FAM171A1: variants seen among roughly 807,000 people sequenced by gnomAD.
FAM171A1 encodes family with sequence similarity 171 member A1.
In FAM171A1, 23 loss-of-function variants were observed where a neutral mutation model predicts 74.9. The observed-to-expected ratio is 0.31, with a 90% CI of 0.22 to 0.44. The LOEUF is 0.44. Among genes scored for constraint, FAM171A1 ranks in the 20% least tolerant of loss-of-function variants. The pLI, the probability that FAM171A1 is intolerant of heterozygous loss-of-function variation, is 1.00. For missense variants in FAM171A1, 1,162 were observed against 1,159.2 expected, an observed-to-expected ratio of 1.00 and a Z score of -0.03; for synonymous variants, 527 against 505.7, an observed-to-expected ratio of 1.04 and a Z score of -0.57.
chr10:15,364,648 CG>C (rs1215324990), intron 1 of FAM171A1, among the ~76,000 whole-genome samples: 1 of 152,134 alleles, frequency 6.6e-6, no homozygotes, highest in African/African-American at 2.4e-5. Context: ...TTCTGGAGGT[CG>C]GAAGTCCAAA....
chr10:15,342,840 AG>A (rs564247512), intron 1 of FAM171A1, among the ~76,000 whole-genome samples: 42 of 152,368 alleles, frequency 2.8e-4, no homozygotes, highest in African/African-American at 8.9e-4. Context: ...CAACGCAGTC[AG>A]TGCCTACATG....
chr10:15,233,521 G>GT (rs1834236288), intron 5 of FAM171A1, among the ~76,000 whole-genome samples: 1 of 145,282 alleles, frequency 6.9e-6, no homozygotes, highest in Non-Finnish European at 1.5e-5. Flanking sequence ...GTGTATTCAG[G>GT]GTGTGTGTGT....
chr10:15,305,565 G>C (rs1325581315), intron 1 of FAM171A1, among the ~76,000 whole-genome samples: 1 of 147,962 alleles, frequency 6.8e-6, no homozygotes, highest in Non-Finnish European at 1.5e-5. Context: ...TACTCAGGGG[G>C]CTTAGGTGGG....
intron 4 of FAM171A1, among the ~76,000 whole-genome samples, chr10:15,254,119 C>T (rs923174158): frequency 6.6e-6 from 1 of 152,212 alleles, no homozygotes; most frequent in African/African-American, 2.4e-5. Flanking sequence ...AGAGCAAGTG[C>T]AGAGAAAGAA....
intron 1 of FAM171A1, among the ~76,000 whole-genome samples, chr10:15,322,031 T>C (rs897671118): frequency 1.3e-5 from 2 of 152,220 alleles, no homozygotes; most frequent in Non-Finnish European, 2.9e-5. Flanking sequence ...ATTCTAATGG[T>C]TCTAATTCCT....
chr10:15,300,405 A>T (rs1835213346), intron 1 of FAM171A1, among the ~76,000 whole-genome samples: 1 of 152,120 alleles, frequency 6.6e-6, no homozygotes, highest in Non-Finnish European at 1.5e-5. Context: ...TGTCCAGAAA[A>T]TATGGATACC....
intron 5 of FAM171A1, among the ~76,000 whole-genome samples, chr10:15,232,715 T>C (rs1380970171): frequency 6.6e-6 from 1 of 152,232 alleles, no homozygotes; most frequent in Admixed American, 6.5e-5. Context: ...ATCATTCTAT[T>C]CAGCCACATT....
chr10:15,307,296 C>A (rs1835308050), intron 1 of FAM171A1, among the ~76,000 whole-genome samples: 2 of 152,126 alleles, frequency 1.3e-5, no homozygotes, highest in African/African-American at 4.8e-5. Context: ...TTCTAACAGG[C>A]TGAGCTAACA....
rs1234659908 is a variant in FAM171A1, at chr10:15,212,921, A to G, written c.2667T>C (p.Ile889=). 6.2e-7 allele frequency: 1 copy of G among 1,613,852 alleles called. No individual in the cohort carries two copies. Among genetic ancestry groups the G allele is most frequent in the Admixed American group, 1.7e-5 (1 of 59,976 alleles). ...REERPLMAFN[I]K ...CAGGTGGGTCTGCGATAGCTCATTT[A>G]ATGTTAAACGCCATCAGGGGCCTCT... Residue 889 remains isoleucine (I), a synonymous_variant, in exon 8 of 8, where the codon ATT becomes ATC. Transcript: ENST00000378116.
At chr10:15,321,947 T>C (rs1835491816) in intron 1 of FAM171A1, among the ~76,000 whole-genome samples, 1 of 152,224 alleles carries the variant, frequency 6.6e-6, no homozygotes, top group Non-Finnish European at 1.5e-5. Flanking sequence ...AAATAGTAGA[T>C]ACTGTTGCTG....
At chr10:15,294,726 T>C (rs1464241291) in intron 1 of FAM171A1, among the ~76,000 whole-genome samples, 1 of 152,210 alleles carries the variant, frequency 6.6e-6, no homozygotes, top group East Asian at 1.9e-4. Flanking sequence ...TAGAACTAAA[T>C]GCGACAAGGC....
chr10:15,300,050 A>T (rs1835210111), intron 1 of FAM171A1, among the ~76,000 whole-genome samples: 1 of 152,198 alleles, frequency 6.6e-6, no homozygotes, highest in South Asian at 2.1e-4. Context: ...TAAGTGTGTG[A>T]AGCTCTCTGA....
At chr10:15,238,053 G>T (rs1834316643) in intron 5 of FAM171A1, among the ~76,000 whole-genome samples, 1 of 152,150 alleles carries the variant, frequency 6.6e-6, no homozygotes, top group Admixed American at 6.5e-5. Flanking sequence ...GATGCCCAAG[G>T]TTCTAAAATC....
At chr10:15,295,076 C>T (rs1835145049) in intron 1 of FAM171A1, among the ~76,000 whole-genome samples, 1 of 152,222 alleles carries the variant, frequency 6.6e-6, no homozygotes, top group East Asian at 1.9e-4. Context: ...CCACCATGCC[C>T]AGCTAACTTA....
chr10:15,239,688 C>G (rs562205218), intron 5 of FAM171A1, among the ~76,000 whole-genome samples: 2 of 152,314 alleles, frequency 1.3e-5, no homozygotes, highest in Non-Finnish European at 2.9e-5. Context: ...ACATATTCCG[C>G]TGATTCTTTA....
At chr10:15,320,411 G>A (rs963032099) in intron 1 of FAM171A1, among the ~76,000 whole-genome samples, 1 of 152,190 alleles carries the variant, frequency 6.6e-6, no homozygotes, top group Non-Finnish European at 1.5e-5. Flanking sequence ...TTGCTATTGT[G>A]AATAGTGCTG....
intron 1 of FAM171A1, among the ~76,000 whole-genome samples, chr10:15,327,062 G>C (rs960410894): frequency 6.6e-6 from 1 of 152,140 alleles, no homozygotes; most frequent in African/African-American, 2.4e-5. Flanking sequence ...AAATTAATGT[G>C]AGCTGTAAGT....
intron 5 of FAM171A1, among the ~76,000 whole-genome samples, chr10:15,229,792 TCACCATCATCACCATCACCACCACC>T (rs1834173842): frequency 7.2e-5 from 1 of 13,810 alleles, no homozygotes; most frequent in Non-Finnish European, 1.4e-4. Flanking sequence ...ATCACCACCA[TCACCATCATCACCATCACCACCACC>T]ATCACCATCA....
intron 1 of FAM171A1, among the ~76,000 whole-genome samples, chr10:15,358,429 AT>A (rs2131886735): frequency 6.6e-6 from 1 of 152,360 alleles, no homozygotes; most frequent in African/African-American, 2.4e-5. Flanking sequence ...TATGAATCCA[AT>A]CATACCTGAA....
Sources: allele counts gnomAD v4.1 joint callset (sites outside exome capture counted in the v4.1 genomes callset), GRCh38; gene constraint gnomAD v4.1.1; transcripts MANE v1.5; gene names NCBI Gene and HGNC (gene_info 2026-07-23, HGNC 2026-07-21).